Variants in GNAI1 observed in about 807,000 individuals in gnomAD.
The protein encoded by GNAI1 is guanine nucleotide-binding protein G(i) subunit alpha-1.
In GNAI1, 11 loss-of-function variants were observed where a neutral mutation model predicts 38.9. The ratio of observed to expected loss-of-function variants is 0.28; its 90% CI spans 0.18 to 0.47. GNAI1 has a LOEUF of 0.47. Among genes scored for constraint, GNAI1 ranks in the 20% least tolerant of loss-of-function variants. The probability of loss-of-function intolerance (pLI) is 0.99; values close to 1 mark genes in which losing one functional copy is unlikely to be tolerated. For missense variants in GNAI1, 317 were observed against 436.9 expected (o/e 0.73, Z 2.45); for synonymous variants, 166 against 145.1 (o/e 1.14, Z -1.04).
At chr7:80,173,001 T>G (rs1788122670) in intron 1 of GNAI1, among the ~76,000 whole-genome samples, 1 of 152,146 alleles carries the variant, frequency 6.6e-6, no homozygotes, top group South Asian at 2.1e-4. Flanking sequence ...GCCACACAGT[T>G]AGTGACTGTA....
intron 3 of GNAI1, among the ~76,000 whole-genome samples, chr7:80,193,251 T>C (rs2115648368): frequency 6.6e-6 from 1 of 152,270 alleles, no homozygotes; most frequent in South Asian, 2.1e-4. Context: ...AAACAGCTTG[T>C]TGACTTGGTT....
intron 1 of GNAI1, among the ~76,000 whole-genome samples, chr7:80,176,936 CA>C (rs374205117): frequency 0.29 from 20,441 of 71,468 alleles, 1,153 homozygotes; most frequent in African/African-American, 0.3. Flanking sequence ...GACTCTGTCT[CA>C]AAAAAAAAAA....
chr7:80,199,343 A>T lies in GNAI1; in HGVS notation c.422A>T (p.Asn141Ile), dbSNP rs145021139. The change falls in exon 4 of 8, where the codon AAC becomes ATC. Residue 141 changes from asparagine to isoleucine, a missense_variant. By Grantham distance (149) the Asn-to-Ile change is moderately radical (BLOSUM62 -3). Transcript: ENST00000649796. ...WKDSGVQACF[N>I]RSREYQLNDS... ...GATAGTGGTGTACAAGCCTGTTTCA[A>T]CAGATCCCGAGAGTACCAGCTTAAT... is the stretch of plus-strand genomic sequence containing the variant. The T allele has an allele frequency of 6.2e-7, 1 of 1,612,336 alleles. No individual in the cohort carries two copies. The highest frequency in any genetic ancestry group is 2.2e-5 in the East Asian group (1 of 44,842).
At position 80,195,502 on chromosome 7, in the gene GNAI1, C is replaced by T. The variant is rs979656672; in HGVS notation, c.304-3723C>T. Among the ~76,000 whole-genome samples, 63 of 152,008 alleles carry T rather than the reference C, an allele frequency of 4.1e-4. 1 individual carries two copies. Among genetic ancestry groups the T allele is most frequent in the Non-Finnish European group, 4.4e-5 (3 of 67,858 alleles). The stretch of plus-strand genomic sequence containing the variant: ...GCAACTCTTCAACATCTGATCAAGT[C>T]GGCTTCATCCCTGGGATGCAAGACT... On this transcript the variant is annotated intron_variant, in intron 3 of 7. Coordinates refer to ENST00000649796, the MANE Select transcript of GNAI1 (RefSeq NM_002069.6).
Position 80,218,690 on chromosome 7 carries a change from C to T in GNAI1, c.*1197C>T, listed in dbSNP as rs2115731436. 6.6e-6 allele frequency: 1 copy of T among 152,188 alleles called. No individual in the cohort carries two copies. The highest frequency in any genetic ancestry group is 1.9e-4 in the East Asian group (1 of 5,182). The allele number at this position is 152,188 out of a possible 1,614,324, so 9.4% of individuals were successfully genotyped here. On this transcript the variant is annotated 3_prime_UTR_variant, in exon 8 of 8. Coordinates refer to ENST00000649796, the MANE Select transcript of GNAI1 (RefSeq NM_002069.6). ...CCCTTAGATAATTCAAATTTCTCCACTTGCTTGAGATTATATCATTTCTTT... is the reference window on the plus strand; with the variant it reads ...CCCTTAGATAATTCAAATTTCTCCATTTGCTTGAGATTATATCATTTCTTT...
At chr7:80,142,970 A>G (rs1359486953) in intron 1 of GNAI1, among the ~76,000 whole-genome samples, 2 of 152,196 alleles carry the variant, frequency 1.3e-5, no homozygotes, top group African/African-American at 4.8e-5. Flanking sequence ...AAATGCATAC[A>G]CTATTGCAAT....
intron 4 of GNAI1, among the ~76,000 whole-genome samples, chr7:80,202,941 A>AC (rs1788714672): frequency 6.6e-6 from 1 of 151,896 alleles, no homozygotes; most frequent in African/African-American, 2.4e-5. Flanking sequence ...TTCTGTTTAG[A>AC]CCCCTCGCTA....
chr7:80,155,385 C>T (rs1426611821), intron 1 of GNAI1, among the ~76,000 whole-genome samples: 1 of 152,100 alleles, frequency 6.6e-6, no homozygotes, highest in Non-Finnish European at 1.5e-5. Context: ...TCCAATAGTA[C>T]ATATATAATG....
At chr7:80,208,333 G>A (rs751492714) in intron 5 of GNAI1, among the ~76,000 whole-genome samples, 2 of 152,160 alleles carry the variant, frequency 1.3e-5, no homozygotes, top group Non-Finnish European at 2.9e-5. Context: ...TAAGTGTAGA[G>A]CAATGAATAA....
At chr7:80,191,446 C>T (rs1788478835) in intron 3 of GNAI1, among the ~76,000 whole-genome samples, 1 of 152,116 alleles carries the variant, frequency 6.6e-6, no homozygotes, top group Non-Finnish European at 1.5e-5. Flanking sequence ...GGCTGGAGTA[C>T]AGTGGTGCAA....
chr7:80,204,258 C>G (rs1021390490), intron 5 of GNAI1, among the ~76,000 whole-genome samples: 9 of 152,002 alleles, frequency 5.9e-5, no homozygotes, highest in Middle Eastern at 6.8e-3. Context: ...TTTTCGTGAA[C>G]AGTTTTCTTC....
At chr7:80,177,607 A>G (rs894874817) in intron 1 of GNAI1, among the ~76,000 whole-genome samples, 2 of 152,130 alleles carry the variant, frequency 1.3e-5, no homozygotes, top group African/African-American at 2.4e-5. Flanking sequence ...ATAGCCTCCC[A>G]TGTAGCTAGG....
At chr7:80,173,752 C>T (rs904472697) in intron 1 of GNAI1, among the ~76,000 whole-genome samples, 4 of 152,168 alleles carry the variant, frequency 2.6e-5, no homozygotes, top group Admixed American at 6.5e-5. Flanking sequence ...TGCTATAACT[C>T]ATAGCTTGCT....
Position 80,173,317 on chromosome 7 carries a change from G to C in GNAI1, c.119-15634G>C, listed in dbSNP as rs982880143. ...TAAATTATGCTTAGAAACCTGTTACGTATGTTTTAGTAGGATTAGAGTAAT... is the reference window on the plus strand; with the variant it reads ...TAAATTATGCTTAGAAACCTGTTACCTATGTTTTAGTAGGATTAGAGTAAT... On this transcript the variant is annotated intron_variant, in intron 1 of 7. Coordinates refer to ENST00000649796, the MANE Select transcript of GNAI1 (RefSeq NM_002069.6). Among the ~76,000 whole-genome samples the C allele has an allele frequency of 3.9e-5, 6 of 152,058 alleles. No individual in the cohort carries two copies. The East Asian group carries it at 1.2e-3, about 29-fold the overall frequency.
chr7:80,189,596 C>T (rs1788445502), intron 3 of GNAI1, among the ~76,000 whole-genome samples: 1 of 152,048 alleles, frequency 6.6e-6, no homozygotes, highest in Non-Finnish European at 1.5e-5. Context: ...ATTTGGAATA[C>T]TGAAGTGATC....
rs528062610 is a variant in GNAI1, at chr7:80,143,573, A to C, written c.118+8295A>C. Among the ~76,000 whole-genome samples the C allele has an allele frequency of 2.0e-5, 3 of 152,266 alleles. No individual in the cohort carries two copies. In the East Asian group the frequency reaches 5.8e-4, roughly 29 times the overall value. On this transcript the variant is annotated intron_variant, in intron 1 of 7. Coordinates refer to ENST00000649796, the MANE Select transcript of GNAI1 (RefSeq NM_002069.6). ...TCCAAGGTTTATTTAGCTCTGTAGA[A>C]AGGCTTTCCAGAGAGGAAAGGTGAG... is the stretch of plus-strand genomic sequence containing the variant.
Position 80,211,102 on chromosome 7 carries a change from AG to A in GNAI1, c.720+5del. On this transcript the variant is annotated splice_donor_5th_base_variant and intron_variant, in intron 6 of 7. Coordinates refer to ENST00000649796, the MANE Select transcript of GNAI1 (RefSeq NM_002069.6). The stretch of plus-strand genomic sequence containing the variant: ...TCTAGCTGAAGATGAAGAAATGGCA[AG>A]TAGAACTACTTTAAGAGTTGAGCTT... The A allele has an allele frequency of 6.2e-7, 1 of 1,612,694 alleles. No individual in the cohort carries two copies. The highest frequency in any genetic ancestry group is 8.5e-7 in the Non-Finnish European group (1 of 1,178,960).
chr7:80,170,078 C>G (rs1437740094), intron 1 of GNAI1, among the ~76,000 whole-genome samples: 3 of 152,142 alleles, frequency 2.0e-5, no homozygotes, highest in African/African-American at 7.2e-5. Flanking sequence ...CGTTGATGGA[C>G]AGTTGTCTTG....
At position 80,221,696 on chromosome 7, in the gene GNAI1, G is replaced by A. The variant is rs911225540; in HGVS notation, c.*4203G>A. ...TCTTGCTCCTTCACCAGGCTGGAGT[G>A]CAGTCGTGCAATCTCCACTCTCTGC... is the stretch of plus-strand genomic sequence containing the variant. On this transcript the variant is annotated 3_prime_UTR_variant, in exon 8 of 8. Coordinates refer to ENST00000649796, the MANE Select transcript of GNAI1 (RefSeq NM_002069.6). Among the ~76,000 whole-genome samples, 1 of 126,716 alleles carries A rather than the reference G, an allele frequency of 7.9e-6. No homozygotes were observed. Among genetic ancestry groups the A allele is most frequent in the African/African-American group, 2.9e-5 (1 of 34,280 alleles). 83.1% of individuals were successfully genotyped at this position (126,716 alleles called of 152,430 possible).
Sources: allele counts gnomAD v4.1 joint callset (sites outside exome capture counted in the v4.1 genomes callset), GRCh38; gene constraint gnomAD v4.1.1; transcripts MANE v1.5; gene names NCBI Gene and HGNC (gene_info 2026-07-23, HGNC 2026-07-21).